PCDHA13: variants seen among roughly 807,000 people sequenced by gnomAD.
PCDHA13 encodes the protein protocadherin alpha 13.
In PCDHA13, 54 loss-of-function variants were observed where a neutral mutation model predicts 64.8. The observed-to-expected ratio is 0.83, with a 90% CI of 0.67 to 1.04. The LOEUF is 1.04. Ranked by LOEUF, PCDHA13 falls within the 50% of genes least tolerant of loss-of-function variation. The pLI, the probability that PCDHA13 is intolerant of heterozygous loss-of-function variation, is 0.00. For missense variants in PCDHA13, 1,248 were observed against 1,254.3 expected (o/e 0.99, Z 0.08); for synonymous variants, 587 against 564.4 (o/e 1.04, Z -0.57).
rs576414745 is a variant in PCDHA13, at chr5:140,895,584, G to T, written c.2394+10922G>T. Among the ~76,000 whole-genome samples the T allele has an allele frequency of 9.2e-5, 14 of 152,210 alleles. No individual in the cohort carries two copies. In the South Asian group the frequency reaches 2.7e-3, roughly 29 times the overall value. The stretch of plus-strand genomic sequence containing the variant: ...TATTCTAGATGCAATTACTTTATTA[G>T]ATATATAATTTGCAAAGATTTTCTC... On this transcript the variant is annotated intron_variant, in intron 1 of 3. Coordinates refer to ENST00000289272, the MANE Select transcript of PCDHA13 (RefSeq NM_018904.3).
At chr5:140,987,451 T>G (rs1481665271) in intron 3 of PCDHA13, among the ~76,000 whole-genome samples, 2 of 152,108 alleles carry the variant, frequency 1.3e-5, no homozygotes, top group African/African-American at 4.8e-5. Flanking sequence ...GCCCGAGAGA[T>G]AATTGTTAAG....
intron 1 of PCDHA13, among the ~76,000 whole-genome samples, chr5:140,886,267 A>C (rs1472520900): frequency 6.6e-6 from 1 of 151,960 alleles, no homozygotes; most frequent in African/African-American, 2.4e-5. Context: ...TTTATAGATA[A>C]AATTTTTTAA....
intron 1 of PCDHA13, among the ~76,000 whole-genome samples, chr5:140,934,787 C>A (rs1383149637): frequency 6.6e-6 from 1 of 152,096 alleles, no homozygotes; most frequent in African/African-American, 2.4e-5. Context: ...CAATCCATGT[C>A]AATTATCTTT....
chr5:140,999,406 G>C (rs1459713118), intron 3 of PCDHA13, among the ~76,000 whole-genome samples: 1 of 152,166 alleles, frequency 6.6e-6, no homozygotes, highest in Non-Finnish European at 1.5e-5. Context: ...GCATATGAAA[G>C]AATGGGAGCT....
rs782046977 is a variant in PCDHA13 at position 140,968,811 on chromosome 5, A to T, written c.2395-10138A>T. The T allele has an allele frequency of 5.0e-6, 8 of 1,614,086 alleles. No homozygotes were observed. The African/African-American group carries it at 6.7e-5, about 13-fold the overall frequency. The stretch of plus-strand genomic sequence containing the variant: ...GTGGCCATTACAGTAGCTGTGGTGG[A>T]TAGGGTTTCCAAAATCCTCCCTGAC... On this transcript the variant is annotated intron_variant, in intron 1 of 3. Coordinates refer to ENST00000289272, the MANE Select transcript of PCDHA13 (RefSeq NM_018904.3).
chr5:140,964,894 T>C (rs754817292), intron 1 of PCDHA13, among the ~76,000 whole-genome samples: 8 of 152,210 alleles, frequency 5.3e-5, no homozygotes, highest in Non-Finnish European at 1.2e-4. Flanking sequence ...GATAGGAGGC[T>C]GGGCGCTTCT....
chr5:140,901,546 T>C (rs2068734079), intron 1 of PCDHA13, among the ~76,000 whole-genome samples: 1 of 152,212 alleles, frequency 6.6e-6, no homozygotes, highest in Non-Finnish European at 1.5e-5. Flanking sequence ...TCTATTCTGT[T>C]CCATTCATCT....
At chr5:140,986,673 A>G (rs782404000) in intron 3 of PCDHA13, among the ~76,000 whole-genome samples, 2 of 152,168 alleles carry the variant, frequency 1.3e-5, no homozygotes. Context: ...TTTTCAGAAG[A>G]GTTCAGAAAG....
rs74450843 is a variant in PCDHA13 at position 140,951,654 on chromosome 5, C to A, written c.2395-27295C>A. ...GCCCCATGATCTAATCACCTCCCAC[C>A]AGGGCCTGCCTACAAAATTGGGGAT... On this transcript the variant is annotated intron_variant, in intron 1 of 3. Coordinates refer to ENST00000289272, the MANE Select transcript of PCDHA13 (RefSeq NM_018904.3). 1.1e-4 allele frequency among the ~76,000 whole-genome samples: 16 copies of A among 152,248 alleles called. No homozygotes were observed. In the East Asian group the frequency reaches 3.1e-3, roughly 29 times the overall value.
intron 1 of PCDHA13, among the ~76,000 whole-genome samples, chr5:140,974,079 G>A (rs1554235799): frequency 6.6e-6 from 1 of 152,180 alleles, no homozygotes. Flanking sequence ...CTATAACCAT[G>A]ACTTCAAAAA....
chr5:140,946,216 C>T (rs1361042644), intron 1 of PCDHA13, among the ~76,000 whole-genome samples: 1 of 151,868 alleles, frequency 6.6e-6, no homozygotes, highest in Non-Finnish European at 1.5e-5. Flanking sequence ...AAATGACCAA[C>T]AGGTATACTA....
At chr5:140,996,926 T>C (rs569386997) in intron 3 of PCDHA13, among the ~76,000 whole-genome samples, 4 of 152,320 alleles carry the variant, frequency 2.6e-5, no homozygotes, top group Middle Eastern at 3.4e-3. Flanking sequence ...TTAAAAAATA[T>C]AGCATTTTTG....
intron 3 of PCDHA13, among the ~76,000 whole-genome samples, chr5:141,000,395 C>A (rs664650): frequency 0.072 from 3,868 of 53,704 alleles, 168 homozygotes; most frequent in Non-Finnish European, 0.081. Flanking sequence ...CTCTCTCTCT[C>A]TATATATATA....
intron 1 of PCDHA13, chr5:140,928,001 A>T (rs1252162846): frequency 6.2e-7 from 1 of 1,614,034 alleles, no homozygotes; most frequent in Non-Finnish European, 8.5e-7. Flanking sequence ...GAAGACCTCG[A>T]TTCTAATGGT....
intron 3 of PCDHA13, among the ~76,000 whole-genome samples, chr5:141,006,584 GA>G (rs1353712503): frequency 6.6e-6 from 1 of 152,126 alleles, no homozygotes; most frequent in Non-Finnish European, 1.5e-5. Context: ...GAGGGTTGGA[GA>G]GAAGCAAAAG....
chr5:140,966,452 C>T, intron 1 of PCDHA13: 1 of 425,890 alleles, frequency 2.3e-6, no homozygotes, highest in South Asian at 9.0e-5. Flanking sequence ...TTTCCCCCTC[C>T]CCCTCTGTCT....
Position 140,917,327 on chromosome 5 carries a change from G to A in PCDHA13, c.2394+32665G>A, listed in dbSNP as rs1219338384. ...TTACAATTTGGTGTTCATGTGGCGG[G>A]GGAGGGGGGGGATGGTGTAGGCTTC... On this transcript the variant is annotated intron_variant, in intron 1 of 3. Coordinates refer to ENST00000289272, the MANE Select transcript of PCDHA13 (RefSeq NM_018904.3). Among the ~76,000 whole-genome samples, 73 of 149,528 alleles carry A rather than the reference G, an allele frequency of 4.9e-4. 3 individuals carry two copies. Among genetic ancestry groups the A allele is most frequent in the African/African-American group, 1.3e-3 (54 of 40,384 alleles).
chr5:141,006,274 C>T (rs565885323), intron 3 of PCDHA13, among the ~76,000 whole-genome samples: 13 of 152,026 alleles, frequency 8.6e-5, no homozygotes, highest in African/African-American at 2.9e-4. Context: ...TGCAGTGGCA[C>T]GATCTCAGCT....
At chr5:140,944,241 G>A (rs2093630107) in intron 1 of PCDHA13, among the ~76,000 whole-genome samples, 1 of 152,196 alleles carries the variant, frequency 6.6e-6, no homozygotes, top group African/African-American at 2.4e-5. Context: ...AGGCTGGAGT[G>A]CAGTGATGTG....
Sources: allele counts gnomAD v4.1 joint callset (sites outside exome capture counted in the v4.1 genomes callset), GRCh38; gene constraint gnomAD v4.1.1; transcripts MANE v1.5; gene names NCBI Gene and HGNC (gene_info 2026-07-23, HGNC 2026-07-21).